Variants in ZNF385D observed in about 807,000 individuals in gnomAD.
The protein encoded by ZNF385D is zinc finger protein 385D, also known as zinc finger protein 659.
Under a neutral mutation model 35.8 loss-of-function variants are expected in ZNF385D, and 15 were observed. The observed-to-expected ratio is 0.42, with a 90% CI of 0.28 to 0.64. The LOEUF (loss-of-function observed/expected upper bound fraction) is 0.64, where lower values mean the gene tolerates loss of function less well. ZNF385D is among the 30% of genes least tolerant of loss of function. The pLI, the probability that ZNF385D is intolerant of heterozygous loss-of-function variation, is 0.23. For synonymous variants in ZNF385D, 212 were observed against 186.8 expected (o/e 1.13, Z -1.10); for missense variants, 474 against 494.6 (o/e 0.96, Z 0.39).
chr3:21,745,728 T>C (rs2069737574), intron 1 of ZNF385D, among the ~76,000 whole-genome samples: 1 of 152,212 alleles, frequency 6.6e-6, no homozygotes, highest in Non-Finnish European at 1.5e-5. Context: ...TTGACATGTT[T>C]TTCCTAGTGC....
intron 3 of ZNF385D, among the ~76,000 whole-genome samples, chr3:21,544,747 A>G (rs2062311391): frequency 6.6e-6 from 1 of 152,246 alleles, no homozygotes; most frequent in African/African-American, 2.4e-5. Flanking sequence ...TTTCTGAGTC[A>G]TCATTTTGGC....
At chr3:21,950,365 A>C (rs577775720) in intron 3 of ZNF385D, among the ~76,000 whole-genome samples, 1 of 151,872 alleles carries the variant, frequency 6.6e-6, no homozygotes, top group African/African-American at 2.4e-5. Flanking sequence ...TTTGAGAAGT[A>C]TCTCTTCATA....
At chr3:22,235,100 T>C (rs573885106) in intron 2 of ZNF385D, among the ~76,000 whole-genome samples, 5 of 152,090 alleles carry the variant, frequency 3.3e-5, no homozygotes, top group African/African-American at 9.6e-5. Flanking sequence ...TTCTGATAAG[T>C]TTATTAAGGA....
At chr3:21,666,298 A>T (rs2066405108) in intron 1 of ZNF385D, among the ~76,000 whole-genome samples, 1 of 152,182 alleles carries the variant, frequency 6.6e-6, no homozygotes, top group African/African-American at 2.4e-5. Context: ...ATGACTTAGT[A>T]CCTATAACAG....
chr3:21,989,552 G>T (rs1051688990), intron 3 of ZNF385D, among the ~76,000 whole-genome samples: 3 of 151,998 alleles, frequency 2.0e-5, no homozygotes, highest in African/African-American at 7.3e-5. Context: ...ACAAATATTT[G>T]AATAAATGAT....
intron 3 of ZNF385D, among the ~76,000 whole-genome samples, chr3:21,771,331 C>A (rs2071069969): frequency 6.6e-6 from 1 of 151,050 alleles, no homozygotes; most frequent in African/African-American, 2.4e-5. Flanking sequence ...AAAACAAAAA[C>A]AATAAGAAAT....
intron 3 of ZNF385D, among the ~76,000 whole-genome samples, chr3:22,086,919 A>G (rs1329577501): frequency 6.6e-6 from 1 of 151,240 alleles, no homozygotes; most frequent in Non-Finnish European, 1.5e-5. Context: ...TACATCACAC[A>G]CCAGGTCCTG....
intron 3 of ZNF385D, among the ~76,000 whole-genome samples, chr3:21,563,643 C>T (rs1027202091): frequency 3.9e-5 from 6 of 152,134 alleles, no homozygotes; most frequent in Non-Finnish European, 5.9e-5. Flanking sequence ...GAAGGCTTAA[C>T]GTTGTCCAGA....
intron 1 of ZNF385D, among the ~76,000 whole-genome samples, chr3:21,666,345 G>A (rs576359843): frequency 6.6e-6 from 1 of 152,154 alleles, no homozygotes; most frequent in African/African-American, 2.4e-5. Context: ...CCATACACAA[G>A]AACCATCAGC....
At chr3:21,471,589 C>A (rs1159588822) in intron 4 of ZNF385D, among the ~76,000 whole-genome samples, 1 of 152,070 alleles carries the variant, frequency 6.6e-6, no homozygotes, top group Non-Finnish European at 1.5e-5. Flanking sequence ...TATACAAAAT[C>A]TTTAGTGATC....
intron 2 of ZNF385D, among the ~76,000 whole-genome samples, chr3:22,202,045 A>G (rs1266239547): frequency 1.3e-5 from 2 of 151,994 alleles, no homozygotes; most frequent in African/African-American, 2.4e-5. Context: ...AAAGTTTTTT[A>G]TTTCTATTTG....
At chr3:21,945,341 A>T (rs992287974) in intron 3 of ZNF385D, among the ~76,000 whole-genome samples, 1 of 152,076 alleles carries the variant, frequency 6.6e-6, no homozygotes, top group Non-Finnish European at 1.5e-5. Context: ...TTTTTTAACC[A>T]ATGTGAATGT....
In ZNF385D at chr3:21,975,882, T is replaced by A. The variant is rs6790776; in HGVS notation, c.325+192935A>T. Among the ~76,000 whole-genome samples, 6 of 150,920 alleles carry A rather than the reference T, an allele frequency of 4.0e-5. No individual in the cohort carries two copies. The South Asian group carries it at 8.4e-4, about 21-fold the overall frequency. ...TCTTCCATTGAGTCATCTGATTAAC[T>A]ACACAGGACAAGATGCAAACGAGCC... is the stretch of plus-strand genomic sequence containing the variant. On this transcript the variant is annotated intron_variant, in intron 3 of 5. Coordinates refer to the ZNF385D transcript ENST00000494108.
chr3:22,096,043 G>A (rs186032648), intron 3 of ZNF385D, among the ~76,000 whole-genome samples: 3 of 152,016 alleles, frequency 2.0e-5, no homozygotes, highest in Admixed American at 1.3e-4. Context: ...GAATTTGAAG[G>A]AGAGAATGTA....
At chr3:22,176,166 A>G (rs1694819406) in intron 2 of ZNF385D, among the ~76,000 whole-genome samples, 1 of 152,064 alleles carries the variant, frequency 6.6e-6, no homozygotes, top group Admixed American at 6.6e-5. Context: ...TATCTAACAT[A>G]CACATATTCT....
chr3:21,980,131 G>C (rs544042148), intron 3 of ZNF385D, among the ~76,000 whole-genome samples: 3 of 152,292 alleles, frequency 2.0e-5, no homozygotes, highest in East Asian at 1.9e-4. Context: ...GCCTTATAGA[G>C]AGGCTCTTGG....
chr3:21,910,543 T>C (rs1699913019), intron 3 of ZNF385D, among the ~76,000 whole-genome samples: 1 of 151,898 alleles, frequency 6.6e-6, no homozygotes, highest in Admixed American at 6.6e-5. Flanking sequence ...TAAACACTAA[T>C]ATAACTGCTC....
chr3:21,543,459 G>C (rs2062254077), intron 3 of ZNF385D, among the ~76,000 whole-genome samples: 1 of 152,196 alleles, frequency 6.6e-6, no homozygotes, highest in African/African-American at 2.4e-5. Flanking sequence ...GCGAGCAGCA[G>C]TTCCCAGCCG....
intron 1 of ZNF385D, among the ~76,000 whole-genome samples, chr3:21,695,098 G>A (rs1305036965): frequency 6.6e-6 from 1 of 152,122 alleles, no homozygotes; most frequent in Admixed American, 6.5e-5. Context: ...CTGAAACATA[G>A]GAGTTGTGTA....
Sources: gnomAD v4.1 joint callset for allele counts (sites outside exome capture counted in the v4.1 genomes callset) on GRCh38, gnomAD v4.1.1 for gene constraint, MANE v1.5 for transcripts, NCBI Gene and HGNC (gene_info 2026-07-23, HGNC 2026-07-21) for gene names.